ARSF: variants seen among roughly 807,000 people sequenced by gnomAD.
ARSF encodes the protein arylsulfatase F.
Under a neutral mutation model 35.4 loss-of-function variants are expected in ARSF, and 33 were observed. The ratio of observed to expected loss-of-function variants is 0.93; its 90% CI spans 0.71 to 1.25. The LOEUF (loss-of-function observed/expected upper bound fraction) is 1.25, where lower values mean the gene tolerates loss of function less well. Among genes scored for constraint, ARSF ranks in the 50% most tolerant of loss-of-function variants. ARSF has a pLI of 0.00. For missense variants in ARSF, 501 were observed against 480.2 expected (o/e 1.04, Z -0.40); for synonymous variants, 222 against 193.1 (o/e 1.15, Z -1.24).
intron 5 of ARSF, among the ~76,000 whole-genome samples, chrX:3,081,560 C>A (rs953493238): frequency 9.0e-6 from 1 of 111,442 alleles, no homozygotes; most frequent in Non-Finnish European, 1.9e-5. Flanking sequence ...TGGTCTTGAA[C>A]TCCTGGCCTC....
intron 2 of ARSF, among the ~76,000 whole-genome samples, chrX:3,070,822 C>T (rs1274066915): frequency 9.0e-6 from 1 of 111,086 alleles, no homozygotes; most frequent in Admixed American, 9.7e-5. Context: ...TGAGAACATA[C>T]AATGTTTGGT....
intron 9 of ARSF, among the ~76,000 whole-genome samples, chrX:3,109,003 C>T (rs982920594): frequency 9.1e-6 from 1 of 110,140 alleles, no homozygotes; most frequent in African/African-American, 3.3e-5. Flanking sequence ...GCAACAAGAG[C>T]AAAACTCTGT....
chrX:3,109,247 A>G (rs2090428854), intron 9 of ARSF, among the ~76,000 whole-genome samples: 1 of 110,209 alleles, frequency 9.1e-6, no homozygotes, highest in African/African-American at 3.3e-5. Context: ...TGAACCCGGG[A>G]AGCAGAGGTT....
chrX:3,079,474 A>G (rs2090180606), intron 4 of ARSF, among the ~76,000 whole-genome samples: 1 of 107,074 alleles, frequency 9.3e-6, no homozygotes, highest in African/African-American at 3.4e-5. Flanking sequence ...CCTCCTGAGT[A>G]GCTGGGATTA....
chrX:3,084,598 G>C lies in ARSF; in HGVS notation c.762G>C (p.Thr254=). 1 of 1,209,406 alleles carries C rather than the reference G, an allele frequency of 8.3e-7. No individual in the cohort carries two copies. The highest frequency in any genetic ancestry group is 1.1e-6 in the Non-Finnish European group (1 of 894,134). Residue 254 remains threonine, a synonymous_variant, in exon 6 of 11, where the codon ACG becomes ACC. Transcript: ENST00000381127. ...TCCTCATGCGGGGGCACGAGATCAC[G>C]GAGCAGCCCATGAAGGCTGAACGAG... ...DCLLMRGHEI[T]EQPMKAERAG... is the part of the protein sequence containing the mutation.
chrX:3,072,108 A>G lies in ARSF; in HGVS notation c.94A>G (p.Ile32Val). The G allele has an allele frequency of 8.3e-7, 1 of 1,202,280 alleles. No individual in the cohort carries two copies. Among genetic ancestry groups the G allele is most frequent in the Non-Finnish European group, 1.1e-6 (1 of 893,550 alleles). Reference sequence around the variant, plus strand: ...CAGGGTGCATGACGACAAGCCTAATATTGTCCTAATCATGGTTGATGACCT... The same window carrying G: ...CAGGGTGCATGACGACAAGCCTAATGTTGTCCTAATCATGGTTGATGACCT... ...AHRVHDDKPNIVLIMVDDLGI... is the reference protein window; with the variant it reads ...AHRVHDDKPNVVLIMVDDLGI... Residue 32 changes from isoleucine to valine, a missense_variant, in exon 3 of 11, where the codon ATT becomes GTT. Physicochemically the swap from Ile to Val is conservative, Grantham distance 29. Coordinates refer to ENST00000381127, the MANE Select transcript of ARSF (RefSeq NM_001201539.2).
intron 1 of ARSF, among the ~76,000 whole-genome samples, chrX:3,064,523 G>A (rs750752676): frequency 9.0e-6 from 1 of 111,597 alleles, no homozygotes; most frequent in East Asian, 2.8e-4. Flanking sequence ...GCAACCTACA[G>A]AATGGGAGAA....
chrX:3,049,462 G>T (rs1034784056), intron 1 of ARSF, among the ~76,000 whole-genome samples: 2 of 111,951 alleles, frequency 1.8e-5, no homozygotes, highest in Non-Finnish European at 3.8e-5. Context: ...GAGCAGAGAG[G>T]GCTGACTTTC....
At chrX:3,041,863 C>T (rs1279054807) in intron 1 of ARSF, among the ~76,000 whole-genome samples, 200 bp downstream of exon 1, 5 of 112,265 alleles carry the variant, frequency 4.5e-5, no homozygotes, top group African/African-American at 9.7e-5. Flanking sequence ...TAAGCCAAAA[C>T]GCTTTTCAAG....
intron 1 of ARSF, chrX:3,058,395 T>A: frequency 6.8e-6 from 1 of 146,560 alleles, no homozygotes; most frequent in Non-Finnish European, 1.4e-5. Flanking sequence ...AAGCTGGTGC[T>A]GAACGTAGTG....
intron 5 of ARSF, among the ~76,000 whole-genome samples, chrX:3,083,484 A>G (rs991748570): frequency 3.5e-5 from 2 of 56,390 alleles, no homozygotes; most frequent in Non-Finnish European, 3.9e-5. Flanking sequence ...CCTCTATCCT[A>G]TCTATCTATC....
At chrX:3,047,374 T>G (rs766976017) in intron 1 of ARSF, among the ~76,000 whole-genome samples, 103 of 110,495 alleles carry the variant, frequency 9.3e-4, no homozygotes, top group Admixed American at 2.8e-3. Context: ...GAGATGGAAT[T>G]TCACCATGTT....
chrX:3,112,294 C>A lies in ARSF; in HGVS notation c.1511C>A (p.Pro504His), dbSNP rs1426850924. 2.2e-5 allele frequency: 27 copies of A among 1,208,721 alleles called. No homozygotes were observed. Among genetic ancestry groups the A allele is most frequent in the African/African-American group, 3.5e-5 (2 of 56,758 alleles). ...FGEQVTYHNP[P>H]LLFDLSRDPS... is the part of the protein sequence containing the mutation. ...GAACAGGTTACCTACCACAACCCCC[C>A]TCTGCTCTTCGATCTCTCCAGGGAC... is the stretch of plus-strand genomic sequence containing the variant. Residue 504 changes from proline (P) to histidine (H), a missense_variant, in exon 11 of 11, where the codon CCT becomes CAT. Physicochemically the swap from Pro to His is moderately conservative, Grantham distance 77. Transcript: ENST00000381127.
rs140816631 is a variant in ARSF at position 3,107,748 on chromosome X, C to T, written c.1266-2380C>T. On this transcript the variant is annotated intron_variant, in intron 9 of 10. Coordinates refer to ENST00000381127, the MANE Select transcript of ARSF (RefSeq NM_001201539.2). ...AATTTTTTTCTTTTTTTCTTTTTCC[C>T]CACTAATGGAGTGAGGTCACATGTT... 7.1e-3 allele frequency among the ~76,000 whole-genome samples: 779 copies of T among 109,868 alleles called. 6 individuals carry two copies. Among genetic ancestry groups the T allele is most frequent in the African/African-American group, 0.024 (733 of 30,358 alleles).
At chrX:3,108,975 C>T (rs920509698) in intron 9 of ARSF, among the ~76,000 whole-genome samples, 26 of 110,902 alleles carry the variant, frequency 2.3e-4, no homozygotes, top group Non-Finnish European at 4.7e-4. Context: ...GAGATCGTGC[C>T]GTTGCACTCC....
At chrX:3,043,235 A>G (rs192706699) in intron 1 of ARSF, among the ~76,000 whole-genome samples, 146 of 112,241 alleles carry the variant, frequency 1.3e-3, no homozygotes, top group East Asian at 5.6e-4. Flanking sequence ...TGTATGAGAA[A>G]GAATCTTGTT....
chrX:3,112,151 C>G, intron 10 of ARSF, 23 bp from the exon 11 acceptor site: 1 of 1,165,200 alleles, frequency 8.6e-7, no homozygotes, highest in Non-Finnish European at 1.2e-6. Context: ...CATCATTTGA[C>G]GAGTCTCTCT....
chrX:3,112,627 GA>G lies in ARSF; in HGVS notation c.*73del. 5.4e-6 allele frequency: 6 copies of G among 1,114,056 alleles called. No individual in the cohort carries two copies. Among genetic ancestry groups the G allele is most frequent in the Non-Finnish European group, 7.1e-6 (6 of 850,114 alleles). The allele number at this position is 1,114,056 out of a possible 1,213,427, so 91.8% of individuals were successfully genotyped here. A position where few individuals can be genotyped will look rare whatever the true frequency, so the allele number is the denominator to read the frequency against. ...GATAATTACAATCAGGCTACCAAAGGAAGCACTAACTTTGGTGCTTTCAAGT... is the reference window on the plus strand; with the variant it reads ...GATAATTACAATCAGGCTACCAAAGGAGCACTAACTTTGGTGCTTTCAAGT... On this transcript the variant is annotated 3_prime_UTR_variant, in exon 11 of 11. Transcript: ENST00000381127.
chrX:3,085,366 T>C (rs2090240465), intron 6 of ARSF, among the ~76,000 whole-genome samples: 1 of 106,697 alleles, frequency 9.4e-6, no homozygotes, highest in Non-Finnish European at 1.9e-5. Flanking sequence ...GATAAATATA[T>C]ATATATATCT....
Sources: gnomAD v4.1 joint callset for allele counts (sites outside exome capture counted in the v4.1 genomes callset) on GRCh38, gnomAD v4.1.1 for gene constraint, MANE v1.5 for transcripts, NCBI Gene and HGNC (gene_info 2026-07-23, HGNC 2026-07-21) for gene names.